The following RNF2 variants were observed in gnomAD, a reference collection of about 807,000 sequenced individuals.
RNF2 encodes E3 ubiquitin-protein ligase RING2.
A neutral mutation model predicts 37.2 loss-of-function variants in RNF2; 6 were observed. The observed-to-expected ratio is 0.16, with a 90% CI of 0.09 to 0.32. RNF2 has a LOEUF of 0.32. Ranked by LOEUF, RNF2 falls within the 10% of genes least tolerant of loss-of-function variation. The probability of loss-of-function intolerance (pLI) is 1.00; values close to 1 mark genes in which losing one functional copy is unlikely to be tolerated. For synonymous variants in RNF2, 133 were observed against 132.7 expected (o/e 1.00, Z -0.02); for missense variants, 251 against 404.0 (o/e 0.62, Z 3.25).
chr1:185,077,621 C>CTTTTTTTT (rs1553241118), intron 1 of RNF2, among the ~76,000 whole-genome samples: 27 of 111,540 alleles, frequency 2.4e-4, no homozygotes, highest in African/African-American at 8.7e-4. Context: ...TAGGAATTAA[C>CTTTTTTTT]TTTGTTTTTT....
intron 1 of RNF2, among the ~76,000 whole-genome samples, chr1:185,067,133 G>C (rs1467740261): frequency 6.6e-6 from 1 of 152,134 alleles, no homozygotes; most frequent in Non-Finnish European, 1.5e-5. Context: ...AATTGATATT[G>C]CTTCTTTAAA....
chr1:185,091,818 CT>C (rs201420664), intron 3 of RNF2, 79 bp downstream of exon 3: 214,212 of 1,004,528 alleles, frequency 0.21, 1,177 homozygotes, highest in East Asian at 0.33. Flanking sequence ...AATACATTTT[CT>C]TTTTTTTTTT....
chr1:185,097,520 T>C (rs12044997), intron 4 of RNF2, among the ~76,000 whole-genome samples: 4 of 152,188 alleles, frequency 2.6e-5, no homozygotes, highest in Admixed American at 6.5e-5. Context: ...TTAATTCTTA[T>C]AGTCTTTTGT....
chr1:185,074,342 G>A (rs913071690), intron 1 of RNF2, among the ~76,000 whole-genome samples: 2 of 152,088 alleles, frequency 1.3e-5, no homozygotes, highest in Admixed American at 1.3e-4. Flanking sequence ...CTCTTTAGTG[G>A]TAGGGGTAGG....
intron 4 of RNF2, among the ~76,000 whole-genome samples, chr1:185,093,569 C>A (rs551689396): frequency 5.3e-5 from 8 of 152,278 alleles, no homozygotes. Flanking sequence ...GAACCCCCTC[C>A]AATCAGACAT....
chr1:185,093,485 TTATTC>T (rs1651827171), intron 4 of RNF2, among the ~76,000 whole-genome samples: 1 of 152,342 alleles, frequency 6.6e-6, no homozygotes, highest in African/African-American at 2.4e-5. Context: ...TTTTCTCAAC[TTATTC>T]TATTTCTTCT....
chr1:185,065,074 C>T (rs1650759645), intron 1 of RNF2, among the ~76,000 whole-genome samples: 2 of 152,122 alleles, frequency 1.3e-5, no homozygotes, highest in African/African-American at 4.8e-5. Context: ...TTCTGTCTAG[C>T]TAAAGGATTG....
chr1:185,057,293 C>A (rs185850924), intron 1 of RNF2, among the ~76,000 whole-genome samples: 2 of 151,918 alleles, frequency 1.3e-5, no homozygotes, highest in African/African-American at 2.4e-5. Flanking sequence ...CCTGGGCAAC[C>A]CTGTTTCAAA....
At chr1:185,048,987 G>A (rs1650196312) in intron 1 of RNF2, among the ~76,000 whole-genome samples, 1 of 152,054 alleles carries the variant, frequency 6.6e-6, no homozygotes, top group African/African-American at 2.4e-5. Context: ...GGATCCATTG[G>A]GAGGCCGAAG....
chr1:185,090,650 A>C (rs1651740269), intron 2 of RNF2, among the ~76,000 whole-genome samples: 1 of 152,186 alleles, frequency 6.6e-6, no homozygotes, highest in African/African-American at 2.4e-5. Context: ...AACAGGAAGC[A>C]CGGGAGCGTA....
intron 1 of RNF2, among the ~76,000 whole-genome samples, chr1:185,081,949 A>G (rs1180522548): frequency 6.6e-6 from 1 of 152,036 alleles, no homozygotes. Flanking sequence ...TTTTTGGTGC[A>G]TGTTTGCCGT....
intron 1 of RNF2, among the ~76,000 whole-genome samples, chr1:185,075,291 G>T (rs190328554): frequency 6.6e-6 from 1 of 152,118 alleles, no homozygotes; most frequent in Non-Finnish European, 1.5e-5. Flanking sequence ...ACTGTATTGT[G>T]TATTTCTTAC....
rs779024268 is a variant in RNF2, at chr1:185,087,582, C to T, written c.29C>T (p.Thr10Ile). ...TCTCAGGCTGTGCAGACAAACGGAA[C>T]TCAACCATTAAGCAAAACATGGGAA... MSQAVQTNG[T>I]QPLSKTWELS... The change falls in exon 2 of 7, where the codon ACT becomes ATT. Residue 10 changes from threonine (T) to isoleucine (I), a missense_variant. This residue lies in a region of RNF2 where 43 missense variants were observed against 82.7 expected (regional missense o/e 0.52). Transcript: ENST00000367510. 17 of 1,614,160 alleles carry T rather than the reference C, an allele frequency of 1.1e-5. No homozygotes were observed. Among genetic ancestry groups the T allele is most frequent in the Admixed American group, 1.7e-5 (1 of 60,022 alleles).
intron 1 of RNF2, among the ~76,000 whole-genome samples, chr1:185,076,268 G>GCTTTTTTTT (rs1553240995): frequency 7.3e-5 from 2 of 27,334 alleles, no homozygotes; most frequent in Non-Finnish European, 7.6e-5. Flanking sequence ...TTTATGGGTT[G>GCTTTTTTTT]TTTTTTTTTT....
chr1:185,067,708 CTTTTT>C (rs753063280), intron 1 of RNF2, among the ~76,000 whole-genome samples: 1 of 121,154 alleles, frequency 8.3e-6, no homozygotes, highest in African/African-American at 3.2e-5. Context: ...TAAAAGTATC[CTTTTT>C]TTTTTTTTTT....
chr1:185,095,226 C>G (rs1206452412), intron 4 of RNF2, among the ~76,000 whole-genome samples: 1 of 152,190 alleles, frequency 6.6e-6, no homozygotes, highest in Non-Finnish European at 1.5e-5. Context: ...GCAAGACTCT[C>G]CTTGTAAATA....
chr1:185,075,764 C>A (rs1380269613), intron 1 of RNF2, among the ~76,000 whole-genome samples: 1 of 152,214 alleles, frequency 6.6e-6, no homozygotes, highest in Admixed American at 6.5e-5. Context: ...CTCCCATGAT[C>A]CAGTCACCTC....
chr1:185,077,552 G>A (rs763708258), intron 1 of RNF2, among the ~76,000 whole-genome samples: 24 of 149,298 alleles, frequency 1.6e-4, no homozygotes, highest in Non-Finnish European at 1.6e-4. Flanking sequence ...TGAAGATAAC[G>A]TTCTCTGACT....
rs1312029448 is a variant in RNF2, at chr1:185,098,313, C to T, written c.706C>T (p.Leu236Phe). The T allele has an allele frequency of 1.2e-6, 2 of 1,614,018 alleles. No individual in the cohort carries two copies. Among genetic ancestry groups the T allele is most frequent in the South Asian group, 2.2e-5 (2 of 91,092 alleles). The stretch of plus-strand genomic sequence containing the variant: ...ATTAGTATTCAGGCCTCATCCCACA[C>T]TTATGGAAAAAGATGACAGTGCACA... ...IELVFRPHPT[L>F]MEKDDSAQTR... The change falls in exon 5 of 7, where the codon CTT becomes TTT. Residue 236 changes from leucine to phenylalanine, a missense_variant. Leu to Phe is a conservative substitution (Grantham distance 22). Transcript: ENST00000367510.
Sources: gnomAD v4.1 joint callset for allele counts (sites outside exome capture counted in the v4.1 genomes callset) on GRCh38, gnomAD v4.1.1 for gene constraint, gnomAD v4.1.1 regional missense constraint, MANE v1.5 for transcripts, NCBI Gene and HGNC (gene_info 2026-07-23, HGNC 2026-07-21) for gene names.